The following FMN1 variants were observed in gnomAD, a reference collection of about 807,000 sequenced individuals.
FMN1 encodes the protein formin-1.
In FMN1, 110 loss-of-function variants were observed where a neutral mutation model predicts 132.4. The observed-to-expected ratio is 0.83, with a 90% CI of 0.71 to 0.97. The LOEUF (loss-of-function observed/expected upper bound fraction) is 0.97, where lower values mean the gene tolerates loss of function less well. Among genes scored for constraint, FMN1 ranks in the 50% least tolerant of loss-of-function variants. The pLI, the probability that FMN1 is intolerant of heterozygous loss-of-function variation, is 0.00. For missense variants in FMN1, 1,792 were observed against 1,705.3 expected (o/e 1.05, Z -0.90); for synonymous variants, 722 against 651.7 (o/e 1.11, Z -1.64).
chr15:32,995,100 A>G (rs1369870291), intron 7 of FMN1, among the ~76,000 whole-genome samples: 1 of 142,612 alleles, frequency 7.0e-6, no homozygotes, highest in Non-Finnish European at 1.5e-5. Flanking sequence ...ACACAGAAGC[A>G]TATATATATA....
intron 9 of FMN1, among the ~76,000 whole-genome samples, chr15:32,952,564 T>C (rs1299925611): frequency 6.6e-6 from 1 of 152,096 alleles, no homozygotes; most frequent in Non-Finnish European, 1.5e-5. Flanking sequence ...GAAAACAAAG[T>C]TTAAAGCTGG....
At chr15:32,820,164 C>G (rs186931694) in intron 17 of FMN1, among the ~76,000 whole-genome samples, 2 of 152,136 alleles carry the variant, frequency 1.3e-5, no homozygotes, top group Admixed American at 1.3e-4. Context: ...TGTAAAAAGT[C>G]AACTGAGTAA....
chr15:32,954,556 G>C (rs2061722188), intron 9 of FMN1, among the ~76,000 whole-genome samples: 1 of 152,158 alleles, frequency 6.6e-6, no homozygotes, highest in Non-Finnish European at 1.5e-5. Flanking sequence ...TATTTGGTTA[G>C]GGTCAGAGTC....
At chr15:33,000,895 G>C (rs140498685) in intron 7 of FMN1, among the ~76,000 whole-genome samples, 2 of 152,294 alleles carry the variant, frequency 1.3e-5, no homozygotes, top group Admixed American at 1.3e-4. Flanking sequence ...CTGTTCAGTG[G>C]ATTCTGTCTT....
At chr15:33,092,979 A>G (rs1053010627) in intron 4 of FMN1, among the ~76,000 whole-genome samples, 1 of 152,228 alleles carries the variant, frequency 6.6e-6, no homozygotes, top group Non-Finnish European at 1.5e-5. Context: ...AAAGTTATTT[A>G]CCAGATATTG....
intron 5 of FMN1, among the ~76,000 whole-genome samples, chr15:33,085,595 T>A (rs1042035196): frequency 6.7e-6 from 1 of 149,414 alleles, no homozygotes; most frequent in South Asian, 2.1e-4. Context: ...ATATATGTAA[T>A]ATATAAATAT....
intron 6 of FMN1, among the ~76,000 whole-genome samples, chr15:33,033,221 G>A (rs995007697): frequency 1.3e-5 from 2 of 151,994 alleles, no homozygotes; most frequent in Admixed American, 1.3e-4. Context: ...TAGTAGAGAC[G>A]GGGTTTCACC....
intron 16 of FMN1, among the ~76,000 whole-genome samples, chr15:32,883,600 G>A (rs1307631184): frequency 1.4e-5 from 2 of 143,652 alleles, no homozygotes; most frequent in Non-Finnish European, 3.0e-5. Flanking sequence ...AGTCAGACCT[G>A]CCCTCCCCTA....
At chr15:33,006,366 C>A (rs1014253104) in intron 7 of FMN1, among the ~76,000 whole-genome samples, 1 of 151,796 alleles carries the variant, frequency 6.6e-6, no homozygotes, top group African/African-American at 2.4e-5. Flanking sequence ...CTGTTAGAAT[C>A]GCTATTGCCA....
intron 4 of FMN1, among the ~76,000 whole-genome samples, chr15:33,129,424 G>A (rs1043580464): frequency 6.6e-6 from 1 of 152,158 alleles, no homozygotes; most frequent in African/African-American, 2.4e-5. Flanking sequence ...GTTGAAATCT[G>A]GGTATCTTTG....
At chr15:33,055,048 C>T (rs950283821) in intron 6 of FMN1, among the ~76,000 whole-genome samples, 10 of 152,112 alleles carry the variant, frequency 6.6e-5, no homozygotes, top group African/African-American at 2.4e-4. Context: ...TAGTTCAGGC[C>T]ATGATGGGAA....
At position 32,770,993 on chromosome 15, in the gene FMN1, CTTAT is replaced by C. The variant is rs997872024; in HGVS notation, c.*3313_*3316del. 2 of 151,792 alleles carry C rather than the reference CTTAT, an allele frequency of 1.3e-5. No homozygotes were observed. The highest frequency in any genetic ancestry group is 2.4e-5 in the African/African-American group (1 of 41,276). The allele number at this position is 151,792 out of a possible 1,614,324, so 9.4% of individuals were successfully genotyped here. ...CCACTTCTGCTTGGCCACACTTTTT[CTTAT>C]TTCTTTTTCCCCAGTAAGCTGCCAC... On this transcript the variant is annotated 3_prime_UTR_variant, in exon 21 of 21. Coordinates refer to ENST00000616417, the MANE Select transcript of FMN1 (RefSeq NM_001277313.2).
chr15:32,964,739 A>G (rs1451346557), intron 8 of FMN1, among the ~76,000 whole-genome samples: 1 of 152,218 alleles, frequency 6.6e-6, no homozygotes, highest in East Asian at 1.9e-4. Context: ...ACTTTTAAAT[A>G]CAGTTTTTAG....
intron 9 of FMN1, among the ~76,000 whole-genome samples, chr15:32,937,805 A>C (rs2140423373): frequency 6.6e-6 from 1 of 152,378 alleles, no homozygotes; most frequent in South Asian, 2.1e-4. Flanking sequence ...AGAATTAGAA[A>C]TGAAGGAAGA....
intron 17 of FMN1, among the ~76,000 whole-genome samples, chr15:32,855,837 A>T (rs1183647587): frequency 6.6e-6 from 1 of 152,216 alleles, no homozygotes; most frequent in Non-Finnish European, 1.5e-5. Context: ...ATTATACAGC[A>T]ATGCATTTTT....
intron 11 of FMN1, among the ~76,000 whole-genome samples, chr15:32,908,954 C>T (rs1243749018): frequency 6.6e-6 from 1 of 152,200 alleles, no homozygotes; most frequent in Non-Finnish European, 1.5e-5. Context: ...GAATTTGTTT[C>T]CTTACTCTTA....
chr15:33,026,547 A>G (rs968128415), intron 6 of FMN1, among the ~76,000 whole-genome samples: 1 of 152,202 alleles, frequency 6.6e-6, no homozygotes, highest in South Asian at 2.1e-4. Flanking sequence ...AAGAAAAAGC[A>G]TATTCCTCAT....
chr15:33,121,566 G>A (rs539611746), intron 4 of FMN1, among the ~76,000 whole-genome samples: 1 of 152,136 alleles, frequency 6.6e-6, no homozygotes, highest in African/African-American at 2.4e-5. Flanking sequence ...GTCTTGCTCT[G>A]TCGCCAGGGT....
At position 33,154,048 on chromosome 15, in the gene FMN1, C is replaced by G; in HGVS notation, c.867G>C (p.Glu289Asp). 1 of 1,536,126 alleles carries G rather than the reference C, an allele frequency of 6.5e-7. No individual in the cohort carries two copies. Among genetic ancestry groups the G allele is most frequent in the Non-Finnish European group, 8.7e-7 (1 of 1,146,854 alleles). ...DGIRRPPSGL[E>D]HQQTGLSESH... ...TTTCAGACAAACCTGTTTGCTGATG[C>G]TCCAGCCCGCTCGGCGGCCTCCGAA... Residue 289 changes from glutamate (E) to aspartate (D), a missense_variant, in exon 4 of 21, where the codon GAG (glutamate) becomes GAC (aspartate). Coordinates refer to ENST00000616417, the MANE Select transcript of FMN1 (RefSeq NM_001277313.2).
Sources: gnomAD v4.1 joint callset for allele counts (sites outside exome capture counted in the v4.1 genomes callset) on GRCh38, gnomAD v4.1.1 for gene constraint, MANE v1.5 for transcripts, NCBI Gene and HGNC (gene_info 2026-07-23, HGNC 2026-07-21) for gene names.